Variants in ORC3 observed in about 807,000 individuals in gnomAD.
ORC3 encodes the protein homolog of latheo, Drosophila.
Under a neutral mutation model 100.7 loss-of-function variants are expected in ORC3, and 78 were observed. That is an observed-to-expected ratio of 0.77 (90% confidence interval 0.65 to 0.94). ORC3 has a LOEUF of 0.94. Among genes scored for constraint, ORC3 ranks in the 40% least tolerant of loss-of-function variants. The pLI is 0.00. For missense variants in ORC3, 789 were observed against 823.9 expected (o/e 0.96, Z 0.52); for synonymous variants, 295 against 289.3 (o/e 1.02, Z -0.20).
chr6:87,662,956 AT>A, intron 16 of ORC3, 46 bp from the exon 17 acceptor site: 1 of 1,368,860 alleles, frequency 7.3e-7, no homozygotes, highest in Non-Finnish European at 9.8e-7. Context: ...TATAAAGAAA[AT>A]AAACCTGTGC....
chr6:87,616,824 G>A (rs1736838705), intron 9 of ORC3, among the ~76,000 whole-genome samples: 2 of 151,314 alleles, frequency 1.3e-5, no homozygotes, highest in African/African-American at 2.4e-5. Context: ...TTTTCGAGAT[G>A]GAGTTTCACT....
intron 7 of ORC3, 39 bp from the exon 8 acceptor site, chr6:87,612,050 T>G: frequency 6.4e-7 from 1 of 1,566,040 alleles, no homozygotes; most frequent in East Asian, 2.2e-5. Context: ...ATATATTTGC[T>G]AAATAAATTT....
the ORC3 span, among the ~76,000 whole-genome samples, chr6:87,676,725 A>G: frequency 6.6e-6 from 1 of 151,592 alleles, no homozygotes; most frequent in African/African-American, 2.4e-5. Context: ...GGTTGCAGTG[A>G]GCCAAGATCG....
At chr6:87,661,046 C>G (rs13203957) in intron 16 of ORC3, among the ~76,000 whole-genome samples, 4,812 of 152,192 alleles carry the variant, frequency 0.032, 99 homozygotes, top group Middle Eastern at 0.054. Flanking sequence ...TTCTATATAT[C>G]ACATGTAAAA....
intron 5 of ORC3, among the ~76,000 whole-genome samples, chr6:87,607,370 GTATT>G (rs954063321): frequency 3.9e-5 from 6 of 151,930 alleles, no homozygotes; most frequent in African/African-American, 1.5e-4. Flanking sequence ...GGCAGAGGTT[GTATT>G]GAGCCGAGAT....
intron 14 of ORC3, among the ~76,000 whole-genome samples, chr6:87,655,157 G>T (rs1583157650): frequency 6.6e-6 from 1 of 152,104 alleles, no homozygotes; most frequent in Admixed American, 6.6e-5. Context: ...TAAAATTACA[G>T]TTGGGAAGAG....
intron 11 of ORC3, among the ~76,000 whole-genome samples, chr6:87,624,268 G>C (rs559883734): frequency 6.6e-6 from 1 of 152,136 alleles, no homozygotes; most frequent in Non-Finnish European, 1.5e-5. Context: ...CGGATCACTT[G>C]AAGTCAGGAG....
chr6:87,663,184 C>T (rs1185401954), intron 17 of ORC3, 40 bp downstream of exon 17: 1 of 1,508,928 alleles, frequency 6.6e-7, no homozygotes, highest in Non-Finnish European at 9.2e-7. Context: ...TTAGCTCAGA[C>T]TCTGGGCGTC....
At chr6:87,632,307 TAA>T (rs1471036971) in intron 11 of ORC3, among the ~76,000 whole-genome samples, 2 of 152,166 alleles carry the variant, frequency 1.3e-5, no homozygotes, top group Admixed American at 1.3e-4. Flanking sequence ...TTGCAACTGA[TAA>T]AAACACATAT....
intron 13 of ORC3, among the ~76,000 whole-genome samples, chr6:87,640,352 T>C (rs1036149605): frequency 2.0e-5 from 3 of 152,226 alleles, no homozygotes; most frequent in African/African-American, 7.2e-5. Flanking sequence ...ATCACAGTTA[T>C]TTTTTAAATG....
intron 3 of ORC3, 44 bp downstream of exon 3, chr6:87,601,925 A>C (rs368602709): frequency 3.9e-5 from 42 of 1,089,340 alleles, no homozygotes; most frequent in Non-Finnish European, 4.8e-5. Context: ...CCTAAGTCTC[A>C]TTTTTGTTGC....
chr6:87,644,328 G>A (rs1453536861), intron 13 of ORC3, among the ~76,000 whole-genome samples: 1 of 150,212 alleles, frequency 6.7e-6, no homozygotes, highest in Non-Finnish European at 1.5e-5. Context: ...TCCTGACCTC[G>A]TGATCTGCCT....
downstream of ORC3, among the ~76,000 whole-genome samples, chr6:87,668,299 G>A (rs377674072): frequency 1.8e-4 from 28 of 152,270 alleles, no homozygotes; most frequent in African/African-American, 6.0e-4. Context: ...GTGTGTGCCC[G>A]TGTGTGTGCT....
At chr6:87,617,598 G>A (rs536117495) in intron 9 of ORC3, among the ~76,000 whole-genome samples, 22 of 152,164 alleles carry the variant, frequency 1.4e-4, no homozygotes, top group African/African-American at 5.3e-4. Flanking sequence ...GCCAGGCGTG[G>A]TGGCTTATTT....
chr6:87,635,790 T>A lies in ORC3; in HGVS notation c.1303-617T>A, dbSNP rs181249722. On this transcript the variant is annotated intron_variant, in intron 12 of 19. Coordinates refer to ENST00000392844, the MANE Select transcript of ORC3 (RefSeq NM_012381.4). Reference sequence around the variant, plus strand: ...CTGGATGACAGAGTGAGACTCCGTCTAAAAAAAAAGAATGACTTGTTCATG... The same window carrying A: ...CTGGATGACAGAGTGAGACTCCGTCAAAAAAAAAAGAATGACTTGTTCATG... Among the ~76,000 whole-genome samples, 382 of 150,754 alleles carry A rather than the reference T, an allele frequency of 2.5e-3. 2 individuals carry two copies. Among genetic ancestry groups the A allele is most frequent in the African/African-American group, 8.7e-3 (360 of 41,172 alleles).
chr6:87,649,002 A>G (rs926027306), intron 13 of ORC3, among the ~76,000 whole-genome samples: 2 of 151,960 alleles, frequency 1.3e-5, no homozygotes, highest in Non-Finnish European at 2.9e-5. Flanking sequence ...ACCAGTGTGT[A>G]TTTCCCTACA....
At chr6:87,609,535 T>G in intron 7 of ORC3, 1 of 201,640 alleles carries the variant, frequency 5.0e-6, no homozygotes, top group East Asian at 1.1e-4. Flanking sequence ...CTACTCCAGG[T>G]TGAGTTTGTT....
At position 87,650,059 on chromosome 6, in the gene ORC3, C is replaced by T. The variant is rs1411842657; in HGVS notation, c.1383-3057C>T. On this transcript the variant is annotated intron_variant, in intron 13 of 19. Coordinates refer to ENST00000392844, the MANE Select transcript of ORC3 (RefSeq NM_012381.4). Reference sequence around the variant, plus strand: ...TTTTATTCACTTACTTTTTTACACTCTCTTTTTTTTTTTTTTTTTGAGAGA... The same window carrying T: ...TTTTATTCACTTACTTTTTTACACTTTCTTTTTTTTTTTTTTTTTGAGAGA... Among the ~76,000 whole-genome samples the T allele has an allele frequency of 3.8e-5, 5 of 132,824 alleles. No homozygotes were observed. In the South Asian group the frequency reaches 6.9e-4, roughly 18 times the overall value. The allele number at this position is 132,824 out of a possible 152,430, so 87.1% of individuals were successfully genotyped here.
intron 1 of ORC3, 146 bp from the exon 2 acceptor site, chr6:87,594,207 T>C: frequency 1.8e-6 from 1 of 554,486 alleles, no homozygotes; most frequent in Non-Finnish European, 3.3e-6. Flanking sequence ...AGAGAAGTGA[T>C]GTGATTTCTT....
Sources: gnomAD v4.1 joint callset for allele counts (sites outside exome capture counted in the v4.1 genomes callset) on GRCh38, gnomAD v4.1.1 for gene constraint, MANE v1.5 for transcripts, NCBI Gene and HGNC (gene_info 2026-07-23, HGNC 2026-07-21) for gene names.